The following COBL variants were observed in gnomAD, a reference collection of about 807,000 sequenced individuals.
The protein encoded by COBL is protein cordon-bleu.
Under a neutral mutation model 98.8 loss-of-function variants are expected in COBL, and 51 were observed. That is an observed-to-expected ratio of 0.52 (90% CI 0.41 to 0.65). COBL has a LOEUF of 0.65. Among genes scored for constraint, COBL ranks in the 30% least tolerant of loss-of-function variants. COBL has a pLI of 0.00. For synonymous variants in COBL, 634 were observed against 651.7 expected (o/e 0.97, Z 0.41); for missense variants, 1,617 against 1,617.5 (o/e 1.00, Z 0.01).
intron 5 of COBL, among the ~76,000 whole-genome samples, chr7:51,172,887 T>A (rs1455286400): frequency 1.3e-5 from 2 of 151,972 alleles, no homozygotes; most frequent in African/African-American, 4.8e-5. Context: ...CTCCTGGGTT[T>A]GAGTGATTCT....
chr7:51,172,773 TTTTC>T (rs1788006908), intron 5 of COBL, among the ~76,000 whole-genome samples: 1 of 152,102 alleles, frequency 6.6e-6, no homozygotes, highest in South Asian at 2.1e-4. Context: ...TTCTTTCTTT[TTTTC>T]TTTCTTTTCT....
chr7:51,028,150 G>C lies in COBL; in HGVS notation c.2946C>G (p.Ser982=), dbSNP rs186650765. ...GTCCCACAGAAACACGATCCCTCTGGGAAGACTGAACCAGTGAGAAACAGG... is the reference window on the plus strand; with the variant it reads ...GTCCCACAGAAACACGATCCCTCTGCGAAGACTGAACCAGTGAGAAACAGG... ...RSSCFSLVQS[S]QRDRVSVGQS... is the part of the protein sequence containing the mutation. Residue 982 remains serine (S), a synonymous_variant, in exon 10 of 13, where the codon TCC becomes TCG. Coordinates refer to ENST00000265136, the MANE Select transcript of COBL (RefSeq NM_015198.5). 11 of 1,614,224 alleles carry C rather than the reference G, an allele frequency of 6.8e-6. No homozygotes were observed. The Admixed American group carries it at 1.8e-4, about 27-fold the overall frequency.
intron 6 of COBL, among the ~76,000 whole-genome samples, chr7:51,091,284 C>G (rs1794787834): frequency 6.6e-6 from 1 of 151,946 alleles, no homozygotes; most frequent in South Asian, 2.1e-4. Context: ...GACAGCTAAA[C>G]AAAATCAGCA....
intron 1 of COBL, among the ~76,000 whole-genome samples, chr7:51,220,713 A>C (rs764754278): frequency 6.6e-6 from 1 of 152,174 alleles, no homozygotes; most frequent in Non-Finnish European, 1.5e-5. Flanking sequence ...CACCAGGGTT[A>C]GGTGTACAGA....
At chr7:51,246,359 CT>C (rs1300957616) in intron 1 of COBL, among the ~76,000 whole-genome samples, 1 of 152,194 alleles carries the variant, frequency 6.6e-6, no homozygotes, top group Non-Finnish European at 1.5e-5. Context: ...ATAGTAAATG[CT>C]GTTTGTTGTC....
At chr7:51,306,663 G>A (rs924491340) in intron 1 of COBL, among the ~76,000 whole-genome samples, 1 of 152,162 alleles carries the variant, frequency 6.6e-6, no homozygotes, top group African/African-American at 2.4e-5. Flanking sequence ...CAACAGCTGA[G>A]TTTGGTCCTC....
intron 7 of COBL, chr7:51,065,457 G>T: frequency 1.4e-6 from 1 of 693,450 alleles, no homozygotes; most frequent in Non-Finnish European, 2.6e-6. Context: ...AAACTGTAGG[G>T]GCAAGGAGGA....
chr7:51,132,639 A>G (rs1037071677), intron 6 of COBL, among the ~76,000 whole-genome samples: 2 of 152,196 alleles, frequency 1.3e-5, no homozygotes, highest in Non-Finnish European at 2.9e-5. Context: ...GTGTTGCTCT[A>G]AAGAAACACC....
intron 2 of COBL, among the ~76,000 whole-genome samples, chr7:51,198,958 G>A (rs969116268): frequency 2.0e-5 from 3 of 152,212 alleles, no homozygotes; most frequent in African/African-American, 7.2e-5. Flanking sequence ...AGGCTCATAG[G>A]CTTTGGTACC....
intron 12 of COBL, among the ~76,000 whole-genome samples, chr7:51,019,301 C>G (rs370531474): frequency 2.0e-5 from 3 of 151,836 alleles, no homozygotes; most frequent in Non-Finnish European, 2.9e-5. Context: ...CACCAGGGAG[C>G]GTGTCTACCC....
At chr7:51,272,422 T>C (rs10238850) in intron 1 of COBL, among the ~76,000 whole-genome samples, 2,847 of 152,322 alleles carry the variant, frequency 0.019, 86 homozygotes, top group African/African-American at 0.064. Context: ...AACTACTCTA[T>C]TATACTCACT....
intron 7 of COBL, among the ~76,000 whole-genome samples, chr7:51,052,824 A>C (rs1205067929): frequency 6.6e-6 from 1 of 152,170 alleles, no homozygotes; most frequent in Non-Finnish European, 1.5e-5. Flanking sequence ...TCCTTTTATC[A>C]TCAGAACTCT....
At chr7:51,024,710 C>T (rs1288035557) in intron 12 of COBL, among the ~76,000 whole-genome samples, 3 of 152,098 alleles carry the variant, frequency 2.0e-5, no homozygotes, top group Non-Finnish European at 2.9e-5. Flanking sequence ...TGGCGGCTTC[C>T]GTGCCAGCTG....
chr7:51,174,307 T>C (rs557390154), intron 5 of COBL, among the ~76,000 whole-genome samples: 1 of 152,284 alleles, frequency 6.6e-6, no homozygotes, highest in African/African-American at 2.4e-5. Context: ...ACCAGGTTTC[T>C]AGATAAACTA....
chr7:51,274,368 A>T (rs779149284), intron 1 of COBL, among the ~76,000 whole-genome samples: 1 of 152,182 alleles, frequency 6.6e-6, no homozygotes, highest in Admixed American at 6.5e-5. Flanking sequence ...CCTCCTGGGC[A>T]TGGTCCTGAG....
intron 6 of COBL, among the ~76,000 whole-genome samples, chr7:51,103,325 C>A (rs1389475539): frequency 6.6e-6 from 1 of 152,138 alleles, no homozygotes; most frequent in African/African-American, 2.4e-5. Context: ...TGGTTGTTCA[C>A]ATCAATTTTT....
chr7:51,028,464 C>T lies in COBL; in HGVS notation c.2632G>A (p.Ala878Thr), dbSNP rs768246174. ...VASAIAKRIGAPKVHADVVRP... is the reference protein window; with the variant it reads ...VASAIAKRIGTPKVHADVVRP... ...ACCACATCAGCATGGACTTTTGGGG[C>T]TCCTATGCGCTTGGCAATGGCAGAG... The change falls in exon 10 of 13, where the codon GCC (alanine) becomes ACC (threonine). Residue 878 changes from alanine to threonine, a missense_variant. This residue lies in a region of COBL where 1,304 missense variants were observed against 1,282.0 expected (regional missense o/e 1.02). Coordinates refer to ENST00000265136, the MANE Select transcript of COBL (RefSeq NM_015198.5). 6.2e-7 allele frequency: 1 copy of T among 1,614,282 alleles called. No individual in the cohort carries two copies. The highest frequency in any genetic ancestry group is 8.5e-7 in the Non-Finnish European group (1 of 1,180,058).
intron 5 of COBL, among the ~76,000 whole-genome samples, chr7:51,165,170 G>A (rs770952162): frequency 2.0e-5 from 3 of 151,806 alleles, no homozygotes; most frequent in Non-Finnish European, 4.4e-5. Flanking sequence ...TCAAAAAACA[G>A]ACTGGCTGTA....
chr7:51,214,915 T>G (rs1238496157), intron 2 of COBL, among the ~76,000 whole-genome samples: 3 of 152,168 alleles, frequency 2.0e-5, no homozygotes, highest in African/African-American at 4.8e-5. Flanking sequence ...CATACCAGTG[T>G]CCAGGCCAAC....
Sources: gnomAD v4.1 joint callset for allele counts (sites outside exome capture counted in the v4.1 genomes callset) on GRCh38, gnomAD v4.1.1 for gene constraint, gnomAD v4.1.1 regional missense constraint, MANE v1.5 for transcripts, NCBI Gene and HGNC (gene_info 2026-07-23, HGNC 2026-07-21) for gene names.